CSMD2: variants seen among roughly 807,000 people sequenced by gnomAD.
The protein encoded by CSMD2 is CUB and sushi domain-containing protein 2.
CSMD2 carries 130 observed loss-of-function variants against 398.5 expected under a neutral mutation model. The observed-to-expected ratio is 0.33, with a 90% CI of 0.28 to 0.38. CSMD2 has a LOEUF of 0.38. Ranked by LOEUF, CSMD2 falls within the 10% of genes least tolerant of loss-of-function variation. The probability of loss-of-function intolerance (pLI) is 1.00; values close to 1 mark genes in which losing one functional copy is unlikely to be tolerated. For missense variants in CSMD2, 3,829 were observed against 4,764.9 expected (o/e 0.80, Z 5.78); for synonymous variants, 1,828 against 1,908.5 (o/e 0.96, Z 1.10).
intron 3 of CSMD2, among the ~76,000 whole-genome samples, chr1:33,991,987 C>G (rs926129466): frequency 6.6e-6 from 1 of 151,472 alleles, no homozygotes; most frequent in African/African-American, 2.4e-5. Context: ...AAAGAGGCAC[C>G]GTGTTGCTAA....
intron 5 of CSMD2, among the ~76,000 whole-genome samples, chr1:33,857,197 T>C (rs905750844): frequency 2.6e-5 from 4 of 152,020 alleles, no homozygotes; most frequent in Non-Finnish European, 4.4e-5. Flanking sequence ...ACCCACTTCA[T>C]TGAGTGGTTA....
At chr1:34,055,406 T>G (rs1653716164) in intron 2 of CSMD2, among the ~76,000 whole-genome samples, 1 of 152,118 alleles carries the variant, frequency 6.6e-6, no homozygotes, top group South Asian at 2.1e-4. Flanking sequence ...GGTTGAGGGC[T>G]CAGTCTCACA....
intron 46 of CSMD2, among the ~76,000 whole-genome samples, chr1:33,584,176 G>A (rs749508868): frequency 6.6e-6 from 1 of 152,180 alleles, no homozygotes; most frequent in Non-Finnish European, 1.5e-5. Context: ...TATAAAATGG[G>A]TTTTATTTGA....
At chr1:33,811,146 T>C (rs554603006) in intron 9 of CSMD2, among the ~76,000 whole-genome samples, 1 of 152,272 alleles carries the variant, frequency 6.6e-6, no homozygotes, top group East Asian at 1.9e-4. Context: ...GACTCCACTA[T>C]GATCATGCAA....
chr1:33,893,813 A>T (rs1197532985), intron 5 of CSMD2, among the ~76,000 whole-genome samples: 1 of 152,208 alleles, frequency 6.6e-6, no homozygotes, highest in Non-Finnish European at 1.5e-5. Context: ...GGCTATACAA[A>T]GTAAGTTTCA....
chr1:33,968,769 C>G (rs886781128), intron 3 of CSMD2, among the ~76,000 whole-genome samples: 1 of 152,230 alleles, frequency 6.6e-6, no homozygotes, highest in South Asian at 2.1e-4. Context: ...TCCTGACCCA[C>G]AGAAACTGAG....
intron 1 of CSMD2, among the ~76,000 whole-genome samples, chr1:34,129,631 G>A (rs764306696): frequency 6.6e-6 from 1 of 152,206 alleles, no homozygotes; most frequent in Non-Finnish European, 1.5e-5. Flanking sequence ...CAGCCTAGGC[G>A]ATAGAGCAAG....
At chr1:34,071,257 G>A (rs1655708445) in intron 2 of CSMD2, among the ~76,000 whole-genome samples, 2 of 152,188 alleles carry the variant, frequency 1.3e-5, no homozygotes, top group African/African-American at 4.8e-5. Context: ...AGATGCTAGG[G>A]GCATCACGTG....
chr1:33,882,788 A>G (rs532103085), intron 5 of CSMD2, among the ~76,000 whole-genome samples: 2 of 152,326 alleles, frequency 1.3e-5, no homozygotes, highest in East Asian at 3.9e-4. Flanking sequence ...CCCTGAATTT[A>G]CTAGCTAACT....
At chr1:34,139,873 G>C (rs1358815835) in intron 1 of CSMD2, among the ~76,000 whole-genome samples, 4 of 152,174 alleles carry the variant, frequency 2.6e-5, no homozygotes, top group Non-Finnish European at 4.4e-5. Flanking sequence ...AGATTCATGG[G>C]TAAAGTGGCT....
chr1:33,917,684 G>A (rs934561959), intron 5 of CSMD2, among the ~76,000 whole-genome samples: 1 of 152,184 alleles, frequency 6.6e-6, no homozygotes, highest in Admixed American at 6.5e-5. Flanking sequence ...GACTAAAAAT[G>A]TTCTAGTCTC....
At chr1:33,796,195 T>A (rs981074020) in intron 10 of CSMD2, among the ~76,000 whole-genome samples, 11 of 152,248 alleles carry the variant, frequency 7.2e-5, no homozygotes, top group African/African-American at 2.4e-4. Flanking sequence ...TTTGATCATC[T>A]TCTCTTATGC....
At chr1:33,909,998 T>C (rs1013594757) in intron 5 of CSMD2, among the ~76,000 whole-genome samples, 1 of 152,152 alleles carries the variant, frequency 6.6e-6, no homozygotes, top group Admixed American at 6.5e-5. Context: ...CCCACCATAG[T>C]CATTCAGCCA....
At chr1:33,900,181 A>T (rs1322256041) in intron 5 of CSMD2, among the ~76,000 whole-genome samples, 2 of 152,212 alleles carry the variant, frequency 1.3e-5, no homozygotes, top group South Asian at 2.1e-4. Flanking sequence ...TCTGTGCCCA[A>T]TTATTTCTTA....
intron 26 of CSMD2, among the ~76,000 whole-genome samples, chr1:33,659,960 A>G (rs1430402851): frequency 6.6e-6 from 1 of 152,248 alleles, no homozygotes; most frequent in African/African-American, 2.4e-5. Context: ...AATATGCATC[A>G]ATCTTTTTCC....
intron 2 of CSMD2, among the ~76,000 whole-genome samples, chr1:34,050,871 C>CCCAGAGGCTAGCATATGCTATGCAAGT (rs1186845307): frequency 6.6e-6 from 1 of 151,838 alleles, no homozygotes; most frequent in Admixed American, 6.6e-5. Context: ...GCTATGCTAG[C>CCCAGAGGCTAGCATATGCTATGCAAGT]CCAGAGGCTA....
chr1:34,053,056 G>A (rs771452634), intron 2 of CSMD2, among the ~76,000 whole-genome samples: 6 of 152,006 alleles, frequency 3.9e-5, no homozygotes, highest in Non-Finnish European at 7.4e-5. Flanking sequence ...GGTCAATGGC[G>A]AACTACTTTT....
intron 53 of CSMD2, among the ~76,000 whole-genome samples, chr1:33,561,342 A>G (rs2148662955): frequency 6.6e-6 from 1 of 152,300 alleles, no homozygotes; most frequent in East Asian, 1.9e-4. Flanking sequence ...GCAGACCAGG[A>G]TTTCGGCTCA....
At chr1:33,717,304 G>A (rs1646205823) in intron 19 of CSMD2, among the ~76,000 whole-genome samples, 1 of 152,138 alleles carries the variant, frequency 6.6e-6, no homozygotes, top group East Asian at 1.9e-4. Flanking sequence ...GGAGGATGAA[G>A]TGGAGGGAGA....
Sources: gnomAD v4.1 joint callset for allele counts (sites outside exome capture counted in the v4.1 genomes callset) on GRCh38, gnomAD v4.1.1 for gene constraint, MANE v1.5 for transcripts, NCBI Gene and HGNC (gene_info 2026-07-23, HGNC 2026-07-21) for gene names.